The following ZBTB20 variants were observed in gnomAD, a reference collection of about 807,000 sequenced individuals.
ZBTB20 encodes zinc finger and BTB domain-containing protein 20.
ZBTB20 carries 9 observed loss-of-function variants against 56.9 expected under a neutral mutation model. That is an observed-to-expected ratio of 0.16 (90% CI 0.10 to 0.28). ZBTB20 has a LOEUF of 0.28. Among genes scored for constraint, ZBTB20 ranks in the 10% least tolerant of loss-of-function variants. ZBTB20 has a pLI of 1.00. For missense variants in ZBTB20, 655 were observed against 1,003.0 expected (o/e 0.65, Z 4.69); for synonymous variants, 417 against 420.7 (o/e 0.99, Z 0.11).
At chr3:114,482,123 G>T (rs2041624810) in intron 7 of ZBTB20, among the ~76,000 whole-genome samples, 1 of 152,118 alleles carries the variant, frequency 6.6e-6, no homozygotes, top group Non-Finnish European at 1.5e-5. Context: ...ACCTCACAGG[G>T]TCACCATGCC....
intron 2 of ZBTB20, among the ~76,000 whole-genome samples, chr3:115,004,868 T>C (rs562561814): frequency 1.3e-5 from 2 of 151,934 alleles, no homozygotes; most frequent in South Asian, 2.1e-4. Context: ...TCTATGGTAC[T>C]GAAATTTCTG....
chr3:114,749,761 A>G (rs1216079801), intron 5 of ZBTB20, among the ~76,000 whole-genome samples: 1 of 152,172 alleles, frequency 6.6e-6, no homozygotes, highest in African/African-American at 2.4e-5. Context: ...TTTGTATCCC[A>G]TTTCCACCTT....
At chr3:114,883,603 G>A (rs1249107402) in intron 4 of ZBTB20, among the ~76,000 whole-genome samples, 2 of 152,164 alleles carry the variant, frequency 1.3e-5, no homozygotes, top group African/African-American at 2.4e-5. Context: ...ATGCTCACAA[G>A]TTAAAATAGT....
chr3:114,484,796 A>AGT (rs1491566228), intron 7 of ZBTB20, among the ~76,000 whole-genome samples: 1 of 53,956 alleles, frequency 1.9e-5, no homozygotes, highest in East Asian at 8.1e-4. Context: ...TCATATCAAT[A>AGT]GAGTGTGTGT....
At chr3:114,374,207 A>G (rs550695035) in intron 10 of ZBTB20, among the ~76,000 whole-genome samples, 1 of 152,358 alleles carries the variant, frequency 6.6e-6, no homozygotes, top group Admixed American at 6.5e-5. Flanking sequence ...CAGGAAATCC[A>G]CATTTAACAG....
rs544855482 is a variant in ZBTB20, at chr3:114,952,920, G to C, written c.-456+21446C>G. Reference sequence around the variant, plus strand: ...TAAACACTGAACATTAGGAATGAAGGAAGAGGAAAAAAAGTGATAAACCTA... The same window carrying C: ...TAAACACTGAACATTAGGAATGAAGCAAGAGGAAAAAAAGTGATAAACCTA... On this transcript the variant is annotated intron_variant, in intron 3 of 11. Coordinates refer to ENST00000675478, the MANE Select transcript of ZBTB20 (RefSeq NM_001348800.3). 1.2e-4 allele frequency among the ~76,000 whole-genome samples: 18 copies of C among 152,030 alleles called. 2 individuals carry two copies. The South Asian group carries it at 3.7e-3, about 32-fold the overall frequency.
chr3:114,753,353 T>TACGTATG (rs1216239981), intron 5 of ZBTB20, among the ~76,000 whole-genome samples: 1 of 107,732 alleles, frequency 9.3e-6, no homozygotes, highest in Non-Finnish European at 1.9e-5. Flanking sequence ...TATGTATACA[T>TACGTATG]TATATATAAT....
At chr3:114,899,058 TA>T (rs2075003385) in intron 4 of ZBTB20, among the ~76,000 whole-genome samples, 1 of 152,116 alleles carries the variant, frequency 6.6e-6, no homozygotes, top group Non-Finnish European at 1.5e-5. Context: ...AAGCCACAAC[TA>T]AAATACATTT....
intron 2 of ZBTB20, among the ~76,000 whole-genome samples, chr3:114,987,037 A>G (rs1163010703): frequency 6.6e-6 from 1 of 152,170 alleles, no homozygotes; most frequent in Non-Finnish European, 1.5e-5. Flanking sequence ...GGTTTGACAA[A>G]AATGCTAAAA....
At chr3:114,792,018 G>A (rs1259216638) in intron 5 of ZBTB20, 1 of 152,066 alleles carries the variant, frequency 6.6e-6, no homozygotes, top group African/African-American at 2.4e-5. Flanking sequence ...GAGCCAACCT[G>A]AAGTGTAACA....
intron 6 of ZBTB20, among the ~76,000 whole-genome samples, chr3:114,550,042 A>G (rs2050373199): frequency 6.6e-6 from 1 of 152,054 alleles, no homozygotes; most frequent in African/African-American, 2.4e-5. Context: ...GGTTCATGCC[A>G]TTCTCCTGCC....
intron 5 of ZBTB20, among the ~76,000 whole-genome samples, chr3:114,771,714 G>A (rs559934263): frequency 2.6e-5 from 4 of 152,228 alleles, no homozygotes; most frequent in Admixed American, 6.5e-5. Flanking sequence ...ATTCCAAAGT[G>A]TGGATGAAAT....
In ZBTB20 at chr3:114,326,245, T is replaced by C. The variant is rs188939973; in HGVS notation, c.*12760A>G. 1.7e-4 allele frequency: 26 copies of C among 152,298 alleles called. No homozygotes were observed. Among genetic ancestry groups the C allele is most frequent in the Admixed American group, 1.5e-3 (23 of 15,294 alleles). 9.4% of individuals were successfully genotyped at this position (152,298 alleles called of 1,614,324 possible). ...TAATTAAACTAATTTATTCCCAGCC[T>C]TATTCCAAAAAGGATTTGAGGAGGC... On this transcript the variant is annotated 3_prime_UTR_variant, in exon 12 of 12. Coordinates refer to ENST00000675478, the MANE Select transcript of ZBTB20 (RefSeq NM_001348800.3).
At chr3:114,440,098 T>C (rs999622045) in intron 7 of ZBTB20, among the ~76,000 whole-genome samples, 1 of 152,110 alleles carries the variant, frequency 6.6e-6, no homozygotes. Context: ...GTCTTACTTT[T>C]TTTTTTTTAA....
intron 7 of ZBTB20, among the ~76,000 whole-genome samples, chr3:114,428,274 A>G (rs1385188879): frequency 6.6e-6 from 1 of 152,198 alleles, no homozygotes; most frequent in Non-Finnish European, 1.5e-5. Context: ...ACTCTATCAG[A>G]CACAACATTA....
intron 7 of ZBTB20, among the ~76,000 whole-genome samples, chr3:114,445,003 T>C (rs1188892945): frequency 6.6e-6 from 1 of 152,198 alleles, no homozygotes; most frequent in African/African-American, 2.4e-5. Flanking sequence ...CATATTGAGA[T>C]ATCTAAAGCC....
intron 6 of ZBTB20, among the ~76,000 whole-genome samples, chr3:114,660,305 G>A (rs1398251257): frequency 6.6e-6 from 1 of 152,104 alleles, no homozygotes; most frequent in Non-Finnish European, 1.5e-5. Flanking sequence ...CTCAAAGTCT[G>A]CAGTTGTTTT....
intron 5 of ZBTB20, among the ~76,000 whole-genome samples, chr3:114,751,056 T>C (rs965563966): frequency 1.3e-5 from 2 of 152,188 alleles, no homozygotes; most frequent in African/African-American, 2.4e-5. Context: ...GGTATTTAAA[T>C]AGATCAAATT....
At chr3:114,464,868 G>GA (rs2092474049) in intron 7 of ZBTB20, among the ~76,000 whole-genome samples, 2 of 152,100 alleles carry the variant, frequency 1.3e-5, no homozygotes, top group African/African-American at 4.8e-5. Context: ...CCACATCACA[G>GA]CACTACAATA....
Sources: gnomAD v4.1 joint callset for allele counts (sites outside exome capture counted in the v4.1 genomes callset) on GRCh38, gnomAD v4.1.1 for gene constraint, MANE v1.5 for transcripts, NCBI Gene and HGNC (gene_info 2026-07-23, HGNC 2026-07-21) for gene names.